Variants in MGST1 observed in about 807,000 individuals in gnomAD.
MGST1 encodes glutathione S-transferase 12.
Under a neutral mutation model 8.9 loss-of-function variants are expected in MGST1, and 5 were observed. That is an observed-to-expected ratio of 0.56 (90% CI 0.29 to 1.19). MGST1 has a LOEUF of 1.19. MGST1 is among the 50% of genes most tolerant of loss of function. The probability of loss-of-function intolerance (pLI) is 0.08; values close to 1 mark genes in which losing one functional copy is unlikely to be tolerated. For missense variants in MGST1, 182 were observed against 187.4 expected (o/e 0.97, Z 0.17); for synonymous variants, 54 against 67.8 (o/e 0.80, Z 1.00).
At chr12:16,353,577 T>A (rs527952297) in intron 1 of MGST1, 1 of 152,264 alleles carries the variant, frequency 6.6e-6, no homozygotes, top group African/African-American at 2.4e-5. Context: ...CTATGACCTC[T>A]GGTCTTTTGC....
chr12:16,485,591 C>T (rs1255524787), intron 4 of MGST1, among the ~76,000 whole-genome samples: 1 of 152,086 alleles, frequency 6.6e-6, no homozygotes, highest in Non-Finnish European at 1.5e-5. Context: ...TATCTTTTAC[C>T]GTTCTCACTA....
intron 4 of MGST1, among the ~76,000 whole-genome samples, chr12:16,539,872 A>G (rs1941782467): frequency 6.6e-6 from 1 of 152,180 alleles, no homozygotes; most frequent in Non-Finnish European, 1.5e-5. Flanking sequence ...CATAAAATAA[A>G]CAAGGCCCTT....
intron 1 of MGST1, among the ~76,000 whole-genome samples, chr12:16,415,056 G>A (rs1383045281): frequency 1.3e-5 from 2 of 152,048 alleles, no homozygotes; most frequent in Non-Finnish European, 2.9e-5. Flanking sequence ...ATTACTATAT[G>A]CTTTAGCATG....
chr12:16,591,106 T>C (rs1943483257), downstream of MGST1, among the ~76,000 whole-genome samples: 1 of 152,094 alleles, frequency 6.6e-6, no homozygotes, highest in Non-Finnish European at 1.5e-5. The surrounding 1 kb of genome is among the most constrained non-coding windows in gnomAD (Gnocchi z 4.1). Flanking sequence ...TTTAGAAATG[T>C]ATACGGGGCA....
chr12:16,501,778 C>T (rs907509559), intron 4 of MGST1, among the ~76,000 whole-genome samples: 4 of 152,106 alleles, frequency 2.6e-5, no homozygotes, highest in Non-Finnish European at 4.4e-5. Flanking sequence ...AATATTTAAA[C>T]ATTTTTATCT....
chr12:16,483,540 C>T (rs1941378956), intron 4 of MGST1, among the ~76,000 whole-genome samples: 1 of 151,914 alleles, frequency 6.6e-6, no homozygotes, highest in South Asian at 2.1e-4. Context: ...CAAAAGTTGA[C>T]ATAGATATAT....
At chr12:16,400,668 T>TA in intron 1 of MGST1, 1 of 1,497,964 alleles carries the variant, frequency 6.7e-7, no homozygotes, top group Non-Finnish European at 9.3e-7. Context: ...TTAGGAAAGA[T>TA]GTTGCCTTCA....
rs187519498 is a variant in MGST1 at position 16,458,578 on chromosome 12, G to C, written n.482+74974G>C. 3.3e-5 allele frequency among the ~76,000 whole-genome samples: 5 copies of C among 152,082 alleles called. No homozygotes were observed. The highest frequency in any genetic ancestry group is 7.2e-5 in the African/African-American group (3 of 41,520). ...TTCATTGCTTTATCAATGAATCTTG[G>C]CTGTACAAGGAAAAGTATTGCTTTA... On this transcript the variant is annotated intron_variant and non_coding_transcript_variant, in intron 4 of 4. Coordinates refer to the MGST1 transcript ENST00000538857. This position sits in a 1 kb window ranked among gnomAD's most constrained non-coding sequence, Gnocchi z 4.0.
chr12:16,515,629 T>G (rs1941607852), intron 4 of MGST1, among the ~76,000 whole-genome samples: 1 of 53,996 alleles, frequency 1.9e-5, no homozygotes. Flanking sequence ...AAACTCTATC[T>G]CAGAAAAAAA....
At chr12:16,578,339 A>C (rs534938542) in intron 4 of MGST1, among the ~76,000 whole-genome samples, 1 of 152,230 alleles carries the variant, frequency 6.6e-6, no homozygotes, top group South Asian at 2.1e-4. Context: ...GAACAATATA[A>C]ATTAAAAATA....
chr12:16,526,270 G>A (rs921729253), intron 4 of MGST1, among the ~76,000 whole-genome samples: 3 of 151,908 alleles, frequency 2.0e-5, no homozygotes, highest in African/African-American at 7.3e-5. Flanking sequence ...GGGTTTTTAG[G>A]AACCCATTTT....
intron 4 of MGST1, among the ~76,000 whole-genome samples, chr12:16,553,152 T>A (rs1942055187): frequency 6.6e-6 from 1 of 152,092 alleles, no homozygotes; most frequent in African/African-American, 2.4e-5. Context: ...ATTCCCTACA[T>A]CCAACCTAGA....
intron 4 of MGST1, among the ~76,000 whole-genome samples, chr12:16,486,963 C>A (rs986059422): frequency 6.6e-6 from 1 of 152,116 alleles, no homozygotes; most frequent in African/African-American, 2.4e-5. Context: ...TGTTTAAGGG[C>A]CTGCCATATG....
intron 1 of MGST1, among the ~76,000 whole-genome samples, chr12:16,437,050 A>G (rs774993716): frequency 2.6e-5 from 4 of 152,040 alleles, no homozygotes; most frequent in Non-Finnish European, 4.4e-5. Context: ...GCAAGGGCAT[A>G]AATGATCCAA....
At position 16,413,727 on chromosome 12, in the gene MGST1, G is replaced by A. The variant is rs1317672347; in HGVS notation, n.779-23661G>A. Among the ~76,000 whole-genome samples the A allele has an allele frequency of 1.3e-5, 2 of 152,016 alleles. No individual in the cohort carries two copies. The highest frequency in any genetic ancestry group is 4.8e-5 in the African/African-American group (2 of 41,384). ...ATAAACCACTATAGTTTGTATTCTA[G>A]CATTTGTCATAGTATGCTGCCAGTA... On this transcript the variant is annotated intron_variant and non_coding_transcript_variant, in intron 1 of 1. Transcript: ENST00000359720. The surrounding 1 kb of genome is among the most constrained non-coding windows in gnomAD (Gnocchi z 4.0).
intron 4 of MGST1, among the ~76,000 whole-genome samples, chr12:16,521,409 C>T (rs1370789508): frequency 6.6e-6 from 1 of 152,202 alleles, no homozygotes; most frequent in Middle Eastern, 3.4e-3. Context: ...TTTCCACTTC[C>T]TCCTCATGTT....
intron 4 of MGST1, among the ~76,000 whole-genome samples, chr12:16,524,102 A>G (rs1385609149): frequency 6.6e-6 from 1 of 152,096 alleles, no homozygotes; most frequent in Non-Finnish European, 1.5e-5. Flanking sequence ...AGAATCAATC[A>G]ACTAAATTTG....
downstream of MGST1, among the ~76,000 whole-genome samples, chr12:16,378,594 T>G (rs1380061727): frequency 6.6e-6 from 1 of 151,292 alleles, no homozygotes; most frequent in Non-Finnish European, 1.5e-5. Flanking sequence ...GCCTCCAGCT[T>G]TGTTCTTTTG....
chr12:16,459,049 A>G (rs574488718), intron 4 of MGST1, among the ~76,000 whole-genome samples: 4 of 152,252 alleles, frequency 2.6e-5, no homozygotes, highest in South Asian at 2.1e-4. Context: ...TTAAACGACA[A>G]AAGTCTATTA....
Sources: gnomAD v4.1 joint callset for allele counts (sites outside exome capture counted in the v4.1 genomes callset) on GRCh38, gnomAD v4.1.1 for gene constraint, Gnocchi (gnomAD v3.1) non-coding constraint, MANE v1.5 for transcripts, NCBI Gene and HGNC (gene_info 2026-07-23, HGNC 2026-07-21) for gene names.